Variants in TANC2 observed in about 807,000 individuals in gnomAD.
The protein encoded by TANC2 is protein TANC2.
A neutral mutation model predicts 210.5 loss-of-function variants in TANC2; 26 were observed. The observed-to-expected ratio is 0.12, with a 90% CI of 0.09 to 0.17. The LOEUF is 0.17. Ranked by LOEUF, TANC2 falls within the 10% of genes least tolerant of loss-of-function variation. TANC2 has a pLI of 1.00. For synonymous variants in TANC2, 931 were observed against 967.1 expected, an observed-to-expected ratio of 0.96 and a Z score of 0.69; for missense variants, 2,129 against 2,608.9, an observed-to-expected ratio of 0.82 and a Z score of 4.01.
intron 5 of TANC2, among the ~76,000 whole-genome samples, chr17:63,158,365 A>C (rs1164359253): frequency 6.6e-6 from 1 of 152,178 alleles, no homozygotes; most frequent in African/African-American, 2.4e-5. Flanking sequence ...TCTCACATGT[A>C]TATACTATTA....
At chr17:63,041,726 A>G (rs2035195581) in intron 2 of TANC2, among the ~76,000 whole-genome samples, 1 of 152,192 alleles carries the variant, frequency 6.6e-6, no homozygotes, top group South Asian at 2.1e-4. Flanking sequence ...AGACTGGGTT[A>G]ATGAATAACA....
chr17:63,395,319 A>G (rs1219214866), intron 17 of TANC2, among the ~76,000 whole-genome samples: 2 of 152,216 alleles, frequency 1.3e-5, no homozygotes, highest in Admixed American at 6.5e-5. Context: ...AAGGCCAAAA[A>G]ATTGTAGCTT....
chr17:63,198,783 TA>T (rs558876227), intron 6 of TANC2, among the ~76,000 whole-genome samples: 5,799 of 143,792 alleles, frequency 0.04, 108 homozygotes, highest in African/African-American at 0.061. Context: ...ATTTTAAGGT[TA>T]AAAAAAAAAA....
chr17:63,135,643 A>T (rs1369799727), intron 4 of TANC2, among the ~76,000 whole-genome samples: 3 of 151,562 alleles, frequency 2.0e-5, no homozygotes, highest in African/African-American at 7.2e-5. Context: ...ATTTTCTCTT[A>T]TATATTTTAT....
At chr17:63,038,246 A>G (rs1191415151) in intron 2 of TANC2, among the ~76,000 whole-genome samples, 1 of 152,202 alleles carries the variant, frequency 6.6e-6, no homozygotes, top group East Asian at 1.9e-4. Context: ...TTTTTAAAAA[A>G]ATACTTTTTC....
intron 9 of TANC2, among the ~76,000 whole-genome samples, chr17:63,285,214 T>G (rs1336472354): frequency 1.3e-5 from 2 of 152,168 alleles, no homozygotes; most frequent in Non-Finnish European, 2.9e-5. Flanking sequence ...ATTTAGATCA[T>G]TTACTTTTTT....
At chr17:63,039,542 A>G (rs1215329540) in intron 2 of TANC2, among the ~76,000 whole-genome samples, 1 of 152,056 alleles carries the variant, frequency 6.6e-6, no homozygotes, top group African/African-American at 2.4e-5. Flanking sequence ...GACTCTGCTG[A>G]CTCCAGTACA....
chr17:63,322,604 T>C (rs2045531090), intron 11 of TANC2, among the ~76,000 whole-genome samples: 1 of 152,242 alleles, frequency 6.6e-6, no homozygotes, highest in South Asian at 2.1e-4. Context: ...GATATACATT[T>C]GAAGGACCTA....
chr17:63,174,524 T>C (rs1226631746), intron 5 of TANC2, among the ~76,000 whole-genome samples: 3 of 152,234 alleles, frequency 2.0e-5, no homozygotes, highest in African/African-American at 7.2e-5. Flanking sequence ...AGAAACCTGA[T>C]GCTAGAGCTA....
intron 2 of TANC2, among the ~76,000 whole-genome samples, chr17:63,064,383 C>T (rs1056079369): frequency 2.0e-5 from 3 of 152,124 alleles, no homozygotes; most frequent in African/African-American, 4.8e-5. Flanking sequence ...CACTTGAGCC[C>T]AGGAGCTCAA....
chr17:63,413,804 A>G (rs2048779563), intron 25 of TANC2, among the ~76,000 whole-genome samples, 170 bp downstream of exon 25: 1 of 152,152 alleles, frequency 6.6e-6, no homozygotes, highest in Non-Finnish European at 1.5e-5. Context: ...TGCCTTACCA[A>G]GAGAGCAAGA....
At chr17:63,405,609 C>T (rs765268003) in intron 20 of TANC2, among the ~76,000 whole-genome samples, 1 of 152,298 alleles carries the variant, frequency 6.6e-6, no homozygotes, top group East Asian at 1.9e-4. Flanking sequence ...AAAGAAAATA[C>T]AGTGAATGCA....
chr17:63,341,832 C>T (rs2046238282), intron 12 of TANC2, among the ~76,000 whole-genome samples: 1 of 152,220 alleles, frequency 6.6e-6, no homozygotes, highest in Non-Finnish European at 1.5e-5. Context: ...AATTAACTTT[C>T]AATTCCTTGT....
At chr17:63,121,197 G>A (rs780751069) in intron 4 of TANC2, among the ~76,000 whole-genome samples, 3 of 151,722 alleles carry the variant, frequency 2.0e-5, no homozygotes, top group African/African-American at 4.8e-5. Context: ...ATAATATTTC[G>A]GTGATAAATG....
intron 8 of TANC2, among the ~76,000 whole-genome samples, chr17:63,262,822 C>A (rs2043407079): frequency 6.6e-6 from 1 of 152,092 alleles, no homozygotes; most frequent in African/African-American, 2.4e-5. Flanking sequence ...ATTAGAACAG[C>A]AATAGGGATG....
chr17:63,231,902 T>C (rs1346099087), intron 7 of TANC2, among the ~76,000 whole-genome samples: 2 of 152,234 alleles, frequency 1.3e-5, no homozygotes, highest in South Asian at 4.1e-4. Context: ...TAGTCAGTCA[T>C]AGGTTTGGTC....
chr17:62,997,648 C>T (rs1029321490), intron 1 of TANC2, among the ~76,000 whole-genome samples: 5 of 152,094 alleles, frequency 3.3e-5, no homozygotes, highest in Non-Finnish European at 5.9e-5. Context: ...TAATTAGAGA[C>T]TTTAAGACAA....
chr17:63,159,440 T>C (rs1328007853), intron 5 of TANC2, among the ~76,000 whole-genome samples: 1 of 152,186 alleles, frequency 6.6e-6, no homozygotes, highest in Non-Finnish European at 1.5e-5. Context: ...TAAGAAAATA[T>C]ACATAATCCA....
chr17:63,045,589 T>C (rs1450576303), intron 2 of TANC2, among the ~76,000 whole-genome samples: 1 of 152,144 alleles, frequency 6.6e-6, no homozygotes, highest in Non-Finnish European at 1.5e-5. Flanking sequence ...CTTATTGTTT[T>C]GGTAAGGGGA....
Sources: allele counts gnomAD v4.1 joint callset (sites outside exome capture counted in the v4.1 genomes callset), GRCh38; gene constraint gnomAD v4.1.1; transcripts MANE v1.5; gene names NCBI Gene and HGNC (gene_info 2026-07-23, HGNC 2026-07-21).